DPP6: variants seen among roughly 807,000 people sequenced by gnomAD.
DPP6 encodes the protein A-type potassium channel modulatory protein DPP6.
DPP6 carries 69 observed loss-of-function variants against 122.6 expected under a neutral mutation model. The ratio of observed to expected loss-of-function variants is 0.56; its 90% CI spans 0.46 to 0.69. DPP6 has a LOEUF of 0.69. Among genes scored for constraint, DPP6 ranks in the 30% least tolerant of loss-of-function variants. The probability of loss-of-function intolerance (pLI) is 0.00; values close to 1 mark genes in which losing one functional copy is unlikely to be tolerated. For synonymous variants in DPP6, 418 were observed against 433.1 expected (o/e 0.97, Z 0.43); for missense variants, 928 against 1,116.9 (o/e 0.83, Z 2.41).
At chr7:153,888,029 C>A (rs1019598061) in intron 1 of DPP6, among the ~76,000 whole-genome samples, 4 of 152,204 alleles carry the variant, frequency 2.6e-5, no homozygotes, top group Non-Finnish European at 5.9e-5. Context: ...GGGGAGCCCT[C>A]GCTGACCGCG....
chr7:154,735,852 A>G (rs1842546119), intron 8 of DPP6, among the ~76,000 whole-genome samples: 1 of 152,238 alleles, frequency 6.6e-6, no homozygotes, highest in Non-Finnish European at 1.5e-5. Flanking sequence ...CATAACATAG[A>G]CTGTGATTGC....
intron 1 of DPP6, among the ~76,000 whole-genome samples, chr7:154,151,509 G>A (rs1796419874): frequency 6.6e-6 from 1 of 152,194 alleles, no homozygotes; most frequent in Admixed American, 6.5e-5. Context: ...AATTGTGTTC[G>A]ACGGGAAGCA....
chr7:154,529,845 G>A (rs958725349), intron 3 of DPP6, among the ~76,000 whole-genome samples: 6 of 152,226 alleles, frequency 3.9e-5, no homozygotes, highest in Non-Finnish European at 8.8e-5. Flanking sequence ...CCAAGGTGAG[G>A]CTGGGAGTGG....
chr7:154,160,797 C>G (rs576228553), intron 1 of DPP6, among the ~76,000 whole-genome samples: 1 of 152,152 alleles, frequency 6.6e-6, no homozygotes, highest in African/African-American at 2.4e-5. Flanking sequence ...CTAAACCTAC[C>G]TCGTTCTGTC....
rs925173153 is a variant in DPP6, at chr7:154,875,431, C to T, written c.1884-475C>T. On this transcript the variant is annotated intron_variant, in intron 19 of 25. Coordinates refer to ENST00000377770, the MANE Select transcript of DPP6 (RefSeq NM_130797.4). This position sits in a 1 kb window ranked among gnomAD's most constrained non-coding sequence, Gnocchi z 4.5. Reference sequence around the variant, plus strand: ...CCATATGGCGGGTTTGCTGTTACTTCCGACTTAACAAGAGACAGACCACGT... The same window carrying T: ...CCATATGGCGGGTTTGCTGTTACTTTCGACTTAACAAGAGACAGACCACGT... Among the ~76,000 whole-genome samples the T allele has an allele frequency of 2.0e-5, 3 of 152,292 alleles. No homozygotes were observed. The highest frequency in any genetic ancestry group is 7.2e-5 in the African/African-American group (3 of 41,568).
At chr7:153,846,976 C>T in the DPP6 span, among the ~76,000 whole-genome samples, 27 of 152,214 alleles carry the variant, frequency 1.8e-4, 1 homozygote, top group Admixed American at 1.0e-3. Flanking sequence ...CATGAGCCAC[C>T]GTGCCTGGCT....
chr7:154,405,478 C>T (rs1239909598), intron 1 of DPP6, among the ~76,000 whole-genome samples: 1 of 152,182 alleles, frequency 6.6e-6, no homozygotes, highest in Non-Finnish European at 1.5e-5. Context: ...TGCTTTCCCC[C>T]CCTTGTTTGT....
chr7:154,813,290 A>G (rs1799190545), intron 16 of DPP6, among the ~76,000 whole-genome samples: 1 of 151,902 alleles, frequency 6.6e-6, no homozygotes, highest in Admixed American at 6.6e-5. Context: ...TCACTGTGTT[A>G]GCCAGGATGG....
chr7:154,644,706 CTT>C (rs5888584), intron 6 of DPP6, among the ~76,000 whole-genome samples: 5,278 of 129,894 alleles, frequency 0.041, 140 homozygotes, highest in African/African-American at 0.077. Context: ...CTTAAAATGG[CTT>C]TTTTTTTTTT....
intron 1 of DPP6, among the ~76,000 whole-genome samples, chr7:154,183,245 T>C (rs1798184464): frequency 6.6e-6 from 1 of 152,194 alleles, no homozygotes; most frequent in Non-Finnish European, 1.5e-5. Context: ...GTGCATGACT[T>C]TCACTGCCCT....
In DPP6 at chr7:154,167,283, A is replaced by C. The variant is rs530317273; in HGVS notation, c.243+114220A>C. Reference sequence around the variant, plus strand: ...AGGCAAATAGAAGTTAAGCACCCTAACAGAAATCATTCTAGGCTTCAGAGC... The same window carrying C: ...AGGCAAATAGAAGTTAAGCACCCTACCAGAAATCATTCTAGGCTTCAGAGC... On this transcript the variant is annotated intron_variant, in intron 1 of 25. Coordinates refer to ENST00000377770, the MANE Select transcript of DPP6 (RefSeq NM_130797.4). Among the ~76,000 whole-genome samples, 5 of 152,310 alleles carry C rather than the reference A, an allele frequency of 3.3e-5. No individual in the cohort carries two copies. The South Asian group carries it at 1.0e-3, about 32-fold the overall frequency.
At chr7:153,762,744 C>T in the DPP6 span, among the ~76,000 whole-genome samples, 1 of 152,106 alleles carries the variant, frequency 6.6e-6, no homozygotes, top group Non-Finnish European at 1.5e-5. Context: ...CGTGCCATTT[C>T]ATGCCAGCTT....
intron 21 of DPP6, chr7:154,883,434 T>TCA (rs149158054): frequency 0.39 from 42,272 of 109,734 alleles, 7,413 homozygotes; most frequent in East Asian, 0.57. Context: ...ACACACACGC[T>TCA]CACATTCACA....
chr7:154,378,444 C>T (rs2151136086), intron 1 of DPP6, among the ~76,000 whole-genome samples: 1 of 152,328 alleles, frequency 6.6e-6, no homozygotes, highest in African/African-American at 2.4e-5. Context: ...ATAGCTTAAA[C>T]ATCAAAAAGT....
At chr7:154,642,326 C>T (rs1033707579) in intron 6 of DPP6, among the ~76,000 whole-genome samples, 1 of 152,104 alleles carries the variant, frequency 6.6e-6, no homozygotes, top group Non-Finnish European at 1.5e-5. Flanking sequence ...GGCATGGTGG[C>T]TCATGCCTGT....
chr7:154,616,594 G>A (rs1238823548), intron 5 of DPP6, among the ~76,000 whole-genome samples: 1 of 152,160 alleles, frequency 6.6e-6, no homozygotes, highest in African/African-American at 2.4e-5. Flanking sequence ...TCGGGCGCGA[G>A]CGAATCCCCA....
intron 5 of DPP6, among the ~76,000 whole-genome samples, chr7:154,610,709 G>C (rs368081873): frequency 0.03 from 52 of 1,760 alleles, 1 homozygote; most frequent in African/African-American, 0.037. Flanking sequence ...GTTGTTCTCT[G>C]TGTGTGTGTG....
chr7:154,132,186 A>T lies in DPP6; in HGVS notation c.243+79123A>T, dbSNP rs545631002. Among the ~76,000 whole-genome samples, 542 of 152,286 alleles carry T rather than the reference A, an allele frequency of 3.6e-3. 1 individual carries two copies. The highest frequency in any genetic ancestry group is 0.012 in the African/African-American group (506 of 41,554). The stretch of plus-strand genomic sequence containing the variant: ...ACTCAAATCTTCATCAGCCCTCATT[A>T]TCAGAAAACTTTGGCTGGACAGCTG... On this transcript the variant is annotated intron_variant, in intron 1 of 25. Coordinates refer to ENST00000377770, the MANE Select transcript of DPP6 (RefSeq NM_130797.4).
At chr7:154,407,988 A>G (rs746757886) in intron 1 of DPP6, among the ~76,000 whole-genome samples, 5 of 152,234 alleles carry the variant, frequency 3.3e-5, no homozygotes, top group Non-Finnish European at 7.3e-5. Flanking sequence ...TAATGTTGTT[A>G]TCATGAGTTA....
Sources: allele counts gnomAD v4.1 joint callset (sites outside exome capture counted in the v4.1 genomes callset), GRCh38; gene constraint gnomAD v4.1.1; non-coding constraint Gnocchi (gnomAD v3.1); transcripts MANE v1.5; gene names NCBI Gene and HGNC (gene_info 2026-07-23, HGNC 2026-07-21).